KIRREL3: variants seen among roughly 807,000 people sequenced by gnomAD.
KIRREL3 encodes kirre like nephrin family adhesion molecule 3, also known as kin of IRRE-like protein 3.
In KIRREL3, 36 loss-of-function variants were observed where a neutral mutation model predicts 89.7. The observed-to-expected ratio is 0.40, with a 90% CI of 0.31 to 0.53. The LOEUF (loss-of-function observed/expected upper bound fraction) is 0.53. Ranked by LOEUF, KIRREL3 falls within the 20% of genes least tolerant of loss-of-function variation. KIRREL3 has a pLI of 0.49. For missense variants in KIRREL3, 864 were observed against 1,056.6 expected (o/e 0.82, Z 2.53); for synonymous variants, 445 against 441.4 (o/e 1.01, Z -0.10).
In KIRREL3 at chr11:126,912,686, G is replaced by A. The variant is rs1012071739; in HGVS notation, c.55+87769C>T. Among the ~76,000 whole-genome samples the A allele has an allele frequency of 1.3e-5, 2 of 152,226 alleles. No homozygotes were observed. The highest frequency in any genetic ancestry group is 2.9e-5 in the Non-Finnish European group (2 of 68,048). ...GGCTCCTGCCCCTGCTGTTCATCATGTTTCTGGGGTCTTTGTTTCAAATGT... is the reference window on the plus strand; with the variant it reads ...GGCTCCTGCCCCTGCTGTTCATCATATTTCTGGGGTCTTTGTTTCAAATGT... On this transcript the variant is annotated intron_variant, in intron 1 of 16. Coordinates refer to ENST00000525144, the MANE Select transcript of KIRREL3 (RefSeq NM_032531.4). The surrounding 1 kb of genome is among the most constrained non-coding windows in gnomAD (Gnocchi z 4.7).
intron 1 of KIRREL3, among the ~76,000 whole-genome samples, chr11:126,700,928 G>C (rs1258833056): frequency 6.6e-6 from 1 of 152,032 alleles, no homozygotes; most frequent in Admixed American, 6.6e-5. Context: ...ACTTATATCC[G>C]GCCATGTAGA....
rs551920034 is a variant in KIRREL3, at chr11:126,463,682, C to G, written c.592-375G>C. ...GCCTCTGGTGCTTGAGTGACAGTCT[C>G]AGGCTCTGTAGGAAGCAACGAGATG... is the stretch of plus-strand genomic sequence containing the variant. On this transcript the variant is annotated intron_variant, in intron 5 of 16. Coordinates refer to ENST00000525144, the MANE Select transcript of KIRREL3 (RefSeq NM_032531.4). This position sits in a 1 kb window ranked among gnomAD's most constrained non-coding sequence, Gnocchi z 5.9. 6.6e-6 allele frequency among the ~76,000 whole-genome samples: 1 copy of G among 152,276 alleles called. No homozygotes were observed. The highest frequency in any genetic ancestry group is 2.1e-4 in the South Asian group (1 of 4,830).
chr11:126,714,851 C>G (rs1592007174), intron 1 of KIRREL3, among the ~76,000 whole-genome samples: 2 of 152,292 alleles, frequency 1.3e-5, no homozygotes, highest in East Asian at 3.9e-4. Flanking sequence ...TATCCCTGAG[C>G]TGCCTGAGGT....
chr11:126,469,262 C>T (rs577168939), intron 5 of KIRREL3, among the ~76,000 whole-genome samples: 3 of 152,370 alleles, frequency 2.0e-5, no homozygotes, highest in East Asian at 3.9e-4. Context: ...GCGTCAGACC[C>T]GACAGCAGCC....
At chr11:126,625,803 G>C (rs769325386) in intron 1 of KIRREL3, among the ~76,000 whole-genome samples, 3 of 152,140 alleles carry the variant, frequency 2.0e-5, no homozygotes, top group Non-Finnish European at 4.4e-5. Context: ...TCCCATCCCA[G>C]GAAACCATCC....
In KIRREL3 at chr11:126,807,002, G is replaced by T. The variant is rs961156629; in HGVS notation, c.55+193453C>A. On this transcript the variant is annotated intron_variant, in intron 1 of 16. Transcript: ENST00000525144. The surrounding 1 kb of genome is among the most constrained non-coding windows in gnomAD (Gnocchi z 4.3). ...CCAGTTTCATCCATGTCCCTGCAAA[G>T]GACATGAATTCACTCTTTTTTATGA... Among the ~76,000 whole-genome samples, 1 of 152,142 alleles carries T rather than the reference G, an allele frequency of 6.6e-6. No individual in the cohort carries two copies. The highest frequency in any genetic ancestry group is 1.5e-5 in the Non-Finnish European group (1 of 68,024).
chr11:126,681,692 T>C, intron 1 of KIRREL3: 1 of 339,868 alleles, frequency 2.9e-6, no homozygotes, highest in Non-Finnish European at 5.8e-6. Flanking sequence ...GGAGTTGGCC[T>C]GGTGCCTCGT....
At chr11:126,698,439 C>T (rs1445541241) in intron 1 of KIRREL3, among the ~76,000 whole-genome samples, 1 of 152,238 alleles carries the variant, frequency 6.6e-6, no homozygotes, top group East Asian at 1.9e-4. Flanking sequence ...GGACCCTCCA[C>T]CTTGGGTGTT....
At position 126,438,620 on chromosome 11, in the gene KIRREL3, CAA is replaced by C. The variant is rs1955448814; in HGVS notation, c.1354-1613_1354-1612del. 2.0e-5 allele frequency among the ~76,000 whole-genome samples: 3 copies of C among 152,294 alleles called. No homozygotes were observed. The South Asian group carries it at 6.2e-4, about 32-fold the overall frequency. ...TCTGGAGAGAAGGTGTGAAAATGTCCAAGAGTGAATGGAATATTTGACAATGA... is the reference window on the plus strand; with the variant it reads ...TCTGGAGAGAAGGTGTGAAAATGTCCGAGTGAATGGAATATTTGACAATGA... On this transcript the variant is annotated intron_variant, in intron 11 of 16. Coordinates refer to ENST00000525144, the MANE Select transcript of KIRREL3 (RefSeq NM_032531.4).
intron 1 of KIRREL3, among the ~76,000 whole-genome samples, chr11:126,617,685 G>T (rs1036846819): frequency 1.3e-5 from 2 of 152,102 alleles, no homozygotes; most frequent in African/African-American, 4.8e-5. Flanking sequence ...GCACATATTA[G>T]CTTTATAAAC....
At chr11:126,828,331 T>G (rs1171762686) in intron 1 of KIRREL3, among the ~76,000 whole-genome samples, 1 of 152,122 alleles carries the variant, frequency 6.6e-6, no homozygotes, top group African/African-American at 2.4e-5. Flanking sequence ...GCCCAGGTAG[T>G]GGCAGGGAGG....
rs1947703858 is a variant in KIRREL3 at position 126,710,213 on chromosome 11, G to T, written c.56-147301C>A. Among the ~76,000 whole-genome samples the T allele has an allele frequency of 5.3e-5, 8 of 152,148 alleles. No individual in the cohort carries two copies. Among genetic ancestry groups the T allele is most frequent in the Admixed American group, 5.2e-4 (8 of 15,274 alleles). ...CCCCAGATCTGTCCACAGGCAGCAG[G>T]GCCCTGACCAACAGGTGGCTTCTCG... is the stretch of plus-strand genomic sequence containing the variant. On this transcript the variant is annotated intron_variant, in intron 1 of 16. Coordinates refer to ENST00000525144, the MANE Select transcript of KIRREL3 (RefSeq NM_032531.4). This position sits in a 1 kb window ranked among gnomAD's most constrained non-coding sequence, Gnocchi z 4.2.
At chr11:126,631,956 CT>C (rs1944044768) in intron 1 of KIRREL3, among the ~76,000 whole-genome samples, 1 of 152,146 alleles carries the variant, frequency 6.6e-6, no homozygotes, top group African/African-American at 2.4e-5. Context: ...GAAAGGATGG[CT>C]TCCTAGACTC....
Position 126,750,023 on chromosome 11 carries a change from C to T in KIRREL3, c.56-187111G>A, listed in dbSNP as rs973186869. Among the ~76,000 whole-genome samples the T allele has an allele frequency of 1.3e-5, 2 of 152,192 alleles. No individual in the cohort carries two copies. Among genetic ancestry groups the T allele is most frequent in the African/African-American group, 4.8e-5 (2 of 41,436 alleles). Reference sequence around the variant, plus strand: ...TTCTGGATGAAGTTTCCTGACTTTACTGAACTTCAGTTTAGTTTCCTCATC... The same window carrying T: ...TTCTGGATGAAGTTTCCTGACTTTATTGAACTTCAGTTTAGTTTCCTCATC... On this transcript the variant is annotated intron_variant, in intron 1 of 16. Coordinates refer to ENST00000525144, the MANE Select transcript of KIRREL3 (RefSeq NM_032531.4). This position sits in a 1 kb window ranked among gnomAD's most constrained non-coding sequence, Gnocchi z 4.2.
In KIRREL3 at chr11:126,441,189, G is replaced by C. The variant is rs1398564934; in HGVS notation, c.1253-640C>G. On this transcript the variant is annotated intron_variant, in intron 10 of 16. Coordinates refer to ENST00000525144, the MANE Select transcript of KIRREL3 (RefSeq NM_032531.4). This position sits in a 1 kb window ranked among gnomAD's most constrained non-coding sequence, Gnocchi z 5.0. ...AGGAGGTCCTGCAGTTCATCATCTT[G>C]TCTGCCTCCACGTCCATACCCAGAC... Among the ~76,000 whole-genome samples, 3 of 152,222 alleles carry C rather than the reference G, an allele frequency of 2.0e-5. No homozygotes were observed. The highest frequency in any genetic ancestry group is 7.2e-5 in the African/African-American group (3 of 41,456).
rs1591861819 is a variant in KIRREL3, at chr11:126,642,323, A to G, written c.56-79411T>C. ...CTCTGTTTGCGCCAAGTCTCCCTGT[A>G]AACACTGTGGTTATGCCCACACTAG... is the stretch of plus-strand genomic sequence containing the variant. On this transcript the variant is annotated intron_variant, in intron 1 of 16. Transcript: ENST00000525144. The surrounding 1 kb of genome is among the most constrained non-coding windows in gnomAD (Gnocchi z 4.9). Among the ~76,000 whole-genome samples, 1 of 152,222 alleles carries G rather than the reference A, an allele frequency of 6.6e-6. No homozygotes were observed. Among genetic ancestry groups the G allele is most frequent in the East Asian group, 1.9e-4 (1 of 5,200 alleles).
intron 1 of KIRREL3, among the ~76,000 whole-genome samples, chr11:126,888,353 T>G (rs540278509): frequency 6.6e-6 from 1 of 152,304 alleles, no homozygotes; most frequent in South Asian, 2.1e-4. Flanking sequence ...TCTGCTGTGC[T>G]GTGAATTTAA....
rs1371390599 is a variant in KIRREL3, at chr11:126,564,165, A to G, written c.56-1253T>C. On this transcript the variant is annotated intron_variant, in intron 1 of 16. Transcript: ENST00000525144. The surrounding 1 kb of genome is among the most constrained non-coding windows in gnomAD (Gnocchi z 7.4). ...GATTTCTCAGAGAAAGAGGGTCCCA[A>G]TGAGTGATGCATCACAGCACCTTCT... 5.9e-5 allele frequency among the ~76,000 whole-genome samples: 9 copies of G among 152,330 alleles called. No homozygotes were observed. The highest frequency in any genetic ancestry group is 1.7e-4 in the African/African-American group (7 of 41,566).
At chr11:126,518,827 GA>G (rs1958500256) in intron 4 of KIRREL3, among the ~76,000 whole-genome samples, 2 of 152,374 alleles carry the variant, frequency 1.3e-5, no homozygotes, top group East Asian at 3.9e-4. Flanking sequence ...TATACCCCAG[GA>G]CACTCAGCCA....
Sources: allele counts gnomAD v4.1 joint callset (sites outside exome capture counted in the v4.1 genomes callset), GRCh38; gene constraint gnomAD v4.1.1; non-coding constraint Gnocchi (gnomAD v3.1); transcripts MANE v1.5; gene names NCBI Gene and HGNC (gene_info 2026-07-23, HGNC 2026-07-21).